SLIT2: variants seen among roughly 807,000 people sequenced by gnomAD.
SLIT2 encodes slit guidance ligand 2.
A neutral mutation model predicts 185.7 loss-of-function variants in SLIT2; 41 were observed. That is an observed-to-expected ratio of 0.22 (90% CI 0.17 to 0.29). SLIT2 has a LOEUF of 0.29. Ranked by LOEUF, SLIT2 falls within the 10% of genes least tolerant of loss-of-function variation. The probability of loss-of-function intolerance (pLI) is 1.00; values close to 1 mark genes in which losing one functional copy is unlikely to be tolerated. For synonymous variants in SLIT2, 693 were observed against 680.2 expected (o/e 1.02, Z -0.29); for missense variants, 1,571 against 1,909.0 (o/e 0.82, Z 3.30).
intron 5 of SLIT2, among the ~76,000 whole-genome samples, chr4:20,472,548 A>AGATC (rs1560455061): frequency 4.9e-5 from 1 of 20,270 alleles, no homozygotes; most frequent in Non-Finnish European, 7.7e-5. Context: ...ATCTATATCT[A>AGATC]TATATAGATA....
At chr4:20,265,849 G>A (rs73803832) in intron 3 of SLIT2, among the ~76,000 whole-genome samples, 6,559 of 151,792 alleles carry the variant, frequency 0.043, 361 homozygotes, top group African/African-American at 0.12. Flanking sequence ...GAAAGCTTCC[G>A]CATTATATTA....
At chr4:20,396,224 C>G (rs956543467) in intron 4 of SLIT2, among the ~76,000 whole-genome samples, 10 of 152,012 alleles carry the variant, frequency 6.6e-5, no homozygotes, top group African/African-American at 2.2e-4. Flanking sequence ...ATGTATTTAA[C>G]AAACACCATG....
intron 4 of SLIT2, among the ~76,000 whole-genome samples, chr4:20,343,680 A>T (rs1354535843): frequency 2.7e-5 from 4 of 150,226 alleles, no homozygotes; most frequent in African/African-American, 9.8e-5. Context: ...TTTTATATTT[A>T]TTTTTTTGTA....
chr4:20,483,043 T>G lies in SLIT2; in HGVS notation c.539+2256T>G, dbSNP rs114617196. On this transcript the variant is annotated intron_variant, in intron 6 of 36. Coordinates refer to ENST00000504154, the MANE Select transcript of SLIT2 (RefSeq NM_004787.4). ...GTTCTAGAAAGATGACTGTCTGTTT[T>G]GCTTATTTTTACCATTCGTGACTCT... 4.7e-3 allele frequency among the ~76,000 whole-genome samples: 722 copies of G among 152,138 alleles called. 9 individuals are homozygous for G. Among genetic ancestry groups the G allele is most frequent in the African/African-American group, 0.016 (674 of 41,558 alleles).
intron 12 of SLIT2, among the ~76,000 whole-genome samples, chr4:20,522,320 G>T (rs1438837481): frequency 6.6e-6 from 1 of 152,072 alleles, no homozygotes; most frequent in Admixed American, 6.6e-5. Flanking sequence ...ATCTCAAGTG[G>T]CCAGTGGATT....
chr4:20,338,235 A>G (rs921310995), intron 4 of SLIT2, among the ~76,000 whole-genome samples: 1 of 152,158 alleles, frequency 6.6e-6, no homozygotes, highest in Admixed American at 6.5e-5. Context: ...CAGAGGATGA[A>G]AGTATTTTAA....
intron 17 of SLIT2, 125 bp from the exon 18 acceptor site, chr4:20,533,447 C>A: frequency 4.5e-6 from 3 of 660,666 alleles, no homozygotes; most frequent in Non-Finnish European, 8.0e-6. Context: ...TTTTCAGAGC[C>A]CTGGCAGTGC....
At chr4:20,280,913 A>G (rs2109055778) in intron 4 of SLIT2, among the ~76,000 whole-genome samples, 1 of 149,678 alleles carries the variant, frequency 6.7e-6, no homozygotes, top group East Asian at 2.0e-4. Flanking sequence ...GCTCACTGCA[A>G]CCTCCGCCTC....
chr4:20,432,845 CTTAA>C (rs1404323705), intron 4 of SLIT2, among the ~76,000 whole-genome samples: 6 of 152,128 alleles, frequency 3.9e-5, no homozygotes, highest in African/African-American at 1.4e-4. Context: ...GTGTTCTTTG[CTTAA>C]TTAAAGTACT....
At chr4:20,534,433 G>A (rs1352846012) in intron 18 of SLIT2, among the ~76,000 whole-genome samples, 1 of 152,058 alleles carries the variant, frequency 6.6e-6, no homozygotes, top group Non-Finnish European at 1.5e-5. Context: ...TTAGATTGAG[G>A]TATTTCAATC....
chr4:20,281,754 A>G (rs1053465008), intron 4 of SLIT2, among the ~76,000 whole-genome samples: 1 of 152,228 alleles, frequency 6.6e-6, no homozygotes, highest in African/African-American at 2.4e-5. Flanking sequence ...CTCCCCTCCC[A>G]CCACACCATC....
intron 4 of SLIT2, among the ~76,000 whole-genome samples, chr4:20,439,549 C>T (rs1378835323): frequency 6.6e-6 from 1 of 152,166 alleles, no homozygotes; most frequent in Non-Finnish European, 1.5e-5. Context: ...TTTATAAGGA[C>T]ACCGATAATA....
At chr4:20,496,453 T>C (rs1332015527) in intron 9 of SLIT2, among the ~76,000 whole-genome samples, 1 of 152,164 alleles carries the variant, frequency 6.6e-6, no homozygotes, top group Non-Finnish European at 1.5e-5. Flanking sequence ...TGGGGATATT[T>C]ATGAAATTAA....
chr4:20,480,435 C>G (rs609114), intron 5 of SLIT2, among the ~76,000 whole-genome samples: 124,053 of 152,150 alleles, frequency 0.82, 50,883 homozygotes, highest in East Asian at 0.93. Context: ...TTTTCTTGAT[C>G]TAATGAAATT....
chr4:20,583,540 A>G (rs1726777506), intron 29 of SLIT2, among the ~76,000 whole-genome samples: 1 of 152,146 alleles, frequency 6.6e-6, no homozygotes, highest in African/African-American at 2.4e-5. Context: ...GGCCGGGCAC[A>G]GTGGCTCACG....
At chr4:20,526,944 C>T (rs1028388468) in intron 15 of SLIT2, among the ~76,000 whole-genome samples, 33 of 152,180 alleles carry the variant, frequency 2.2e-4, no homozygotes, top group African/African-American at 7.7e-4. Flanking sequence ...AGACTTTGTG[C>T]ACTCTTATTT....
At chr4:20,472,473 TAG>T (rs1191686460) in intron 5 of SLIT2, among the ~76,000 whole-genome samples, 1 of 54,662 alleles carries the variant, frequency 1.8e-5, no homozygotes, top group Non-Finnish European at 3.0e-5. Flanking sequence ...TATCTATATA[TAG>T]ATATATATCT....
At chr4:20,255,266 C>T (rs908728862) in intron 1 of SLIT2, among the ~76,000 whole-genome samples, 4 of 152,210 alleles carry the variant, frequency 2.6e-5, no homozygotes, top group African/African-American at 9.6e-5. Flanking sequence ...CACTTCAAGT[C>T]GCCCTTCTTA....
chr4:20,617,173 A>C lies in SLIT2; in HGVS notation c.4111A>C (p.Thr1371Pro). 1 of 1,594,924 alleles carries C rather than the reference A, an allele frequency of 6.3e-7. No homozygotes were observed. Among genetic ancestry groups the C allele is most frequent in the South Asian group, 1.1e-5 (1 of 89,696 alleles). Residue 1371 changes from threonine to proline, a missense_variant, in exon 35 of 37, where the codon ACC (threonine) becomes CCC (proline). Transcript: ENST00000504154. ...GWMGPLCDQR[T>P]NDPCLGNKCV... ...GATGGGGCCCCTCTGTGACCAACGG[A>C]CCAATGACCCTTGCCTTGGAAATAA...
Sources: allele counts gnomAD v4.1 joint callset (sites outside exome capture counted in the v4.1 genomes callset), GRCh38; gene constraint gnomAD v4.1.1; transcripts MANE v1.5; gene names NCBI Gene and HGNC (gene_info 2026-07-23, HGNC 2026-07-21).